The following ROBO2 variants were observed in gnomAD, a reference collection of about 807,000 sequenced individuals.
ROBO2 encodes roundabout homolog 2.
A neutral mutation model predicts 160.8 loss-of-function variants in ROBO2; 53 were observed. The observed-to-expected ratio is 0.33, with a 90% confidence interval of 0.26 to 0.41. ROBO2 has a LOEUF of 0.41. ROBO2 is among the 10% of genes least tolerant of loss of function. The probability of loss-of-function intolerance (pLI) is 1.00; values close to 1 mark genes in which losing one functional copy is unlikely to be tolerated. For missense variants in ROBO2, 1,577 were observed against 1,722.4 expected (o/e 0.92, Z 1.49); for synonymous variants, 664 against 611.7 (o/e 1.09, Z -1.26).
intron 2 of ROBO2, among the ~76,000 whole-genome samples, chr3:76,186,546 A>ACCCC (rs886381119): frequency 6.6e-6 from 1 of 150,668 alleles, no homozygotes; most frequent in African/African-American, 2.4e-5. Flanking sequence ...TGCTCACTGG[A>ACCCC]TCCCATTCCT....
At chr3:77,132,422 T>G (rs1452061035) in intron 2 of ROBO2, among the ~76,000 whole-genome samples, 1 of 152,070 alleles carries the variant, frequency 6.6e-6, no homozygotes, top group African/African-American at 2.4e-5. Context: ...TTATCAGATT[T>G]AAATTTATCA....
At chr3:76,476,052 C>T (rs2107202943) in intron 2 of ROBO2, among the ~76,000 whole-genome samples, 1 of 152,182 alleles carries the variant, frequency 6.6e-6, no homozygotes, top group African/African-American at 2.4e-5. Context: ...ACTTGGGAGG[C>T]CGAGGCAGGA....
chr3:76,782,401 C>T (rs2108620964), intron 2 of ROBO2, among the ~76,000 whole-genome samples: 1 of 150,686 alleles, frequency 6.6e-6, no homozygotes, highest in South Asian at 2.1e-4. Flanking sequence ...TCTATTAGTT[C>T]CATTTGATTT....
intron 2 of ROBO2, among the ~76,000 whole-genome samples, chr3:76,258,635 T>C (rs531100234): frequency 7.2e-5 from 11 of 152,168 alleles, no homozygotes; most frequent in Admixed American, 2.0e-4. Flanking sequence ...TTTACTCTGT[T>C]CATTGATCAT....
intron 2 of ROBO2, among the ~76,000 whole-genome samples, chr3:76,567,761 G>A (rs201333504): frequency 0.031 from 1,958 of 63,036 alleles, 23 homozygotes; most frequent in Non-Finnish European, 0.045. Context: ...ATATATATCT[G>A]TCTGTGTGTG....
At chr3:76,977,677 T>C (rs1265703996) in intron 2 of ROBO2, among the ~76,000 whole-genome samples, 1 of 152,136 alleles carries the variant, frequency 6.6e-6, no homozygotes, top group Non-Finnish European at 1.5e-5. Flanking sequence ...CTATAACATT[T>C]CTATATTTCA....
At chr3:77,103,318 G>A (rs1216271866) in intron 2 of ROBO2, among the ~76,000 whole-genome samples, 1 of 152,174 alleles carries the variant, frequency 6.6e-6, no homozygotes, top group Non-Finnish European at 1.5e-5. Flanking sequence ...CACTGTGCCA[G>A]TGCAGAGAGT....
At chr3:77,351,406 G>C (rs961204313) in intron 2 of ROBO2, among the ~76,000 whole-genome samples, 1 of 152,164 alleles carries the variant, frequency 6.6e-6, no homozygotes, top group African/African-American at 2.4e-5. Flanking sequence ...ACAATGAGTG[G>C]CATGACTTTT....
rs1035159952 is a variant in ROBO2, at chr3:76,548,157, T to C, written c.110-549857T>C. On this transcript the variant is annotated intron_variant, in intron 2 of 26. Transcript: ENST00000487694. Reference sequence around the variant, plus strand: ...TCAGAATATTTCTTTTAATTGGTATTGATTTTTCTATCTCCCAAGAGGAAA... The same window carrying C: ...TCAGAATATTTCTTTTAATTGGTATCGATTTTTCTATCTCCCAAGAGGAAA... Among the ~76,000 whole-genome samples, 6 of 152,268 alleles carry C rather than the reference T, an allele frequency of 3.9e-5. No homozygotes were observed. In the South Asian group the frequency reaches 1.2e-3, roughly 32 times the overall value.
intron 2 of ROBO2, among the ~76,000 whole-genome samples, chr3:76,958,361 AAC>A (rs2079425748): frequency 6.6e-6 from 1 of 152,250 alleles, no homozygotes; most frequent in African/African-American, 2.4e-5. Context: ...CCCTGTTCAG[AAC>A]ACAGTTTGTG....
chr3:77,098,460 T>C, intron 2 of ROBO2, 120 bp downstream of exon 2: 4 of 1,039,306 alleles, frequency 3.8e-6, no homozygotes, highest in Middle Eastern at 2.4e-4. Context: ...ATAATTTTAC[T>C]TGGTCTTCTT....
intron 21 of ROBO2, among the ~76,000 whole-genome samples, chr3:77,615,217 C>T (rs796713090): frequency 1.2e-4 from 19 of 152,096 alleles, no homozygotes; most frequent in African/African-American, 4.3e-4. Context: ...CTGTTTTAGG[C>T]TTACAGCAAA....
rs869307615 is a variant in ROBO2, at chr3:76,073,267, C to CTTTTTTTTTTTTTTT, written c.109+135695_109+135709dup. 3.1e-4 allele frequency among the ~76,000 whole-genome samples: 18 copies of CTTTTTTTTTTTTTTT among 57,402 alleles called. 5 individuals are homozygous for CTTTTTTTTTTTTTTT. The highest frequency in any genetic ancestry group is 5.3e-4 in the Non-Finnish European group (15 of 28,424). The allele number at this position is 57,402 out of a possible 152,430, so 37.7% of individuals were successfully genotyped here. A position where few individuals can be genotyped will look rare whatever the true frequency, so the allele number is the denominator to read the frequency against. On this transcript the variant is annotated intron_variant, in intron 2 of 26. Transcript: ENST00000487694. ...TTGTAAACTTCTCAGAATGAGTATTCTTTTTTTTTTTTTTTTTTTTTTTTT... is the reference window on the plus strand; with the variant it reads ...TTGTAAACTTCTCAGAATGAGTATTCTTTTTTTTTTTTTTTTTTTTTTTTTTTTTTTTTTTTTTTT...
At chr3:77,517,999 G>T (rs1356345501) in intron 5 of ROBO2, among the ~76,000 whole-genome samples, 1 of 151,450 alleles carries the variant, frequency 6.6e-6, no homozygotes, top group Non-Finnish European at 1.5e-5. Context: ...GCTGTTATTA[G>T]GAATAGTTGA....
At chr3:76,337,484 C>G (rs373338985) in intron 2 of ROBO2, among the ~76,000 whole-genome samples, 29 of 152,102 alleles carry the variant, frequency 1.9e-4, no homozygotes, top group African/African-American at 6.5e-4. Context: ...ATTTTATTTT[C>G]TCTTATTTGG....
chr3:76,791,763 T>A (rs930417973), intron 2 of ROBO2, among the ~76,000 whole-genome samples: 1 of 151,794 alleles, frequency 6.6e-6, no homozygotes, highest in Admixed American at 6.6e-5. Context: ...CAGCTCTCTA[T>A]AGCCATGGAT....
At chr3:76,279,859 C>G (rs1251621867) in intron 2 of ROBO2, among the ~76,000 whole-genome samples, 5 of 151,962 alleles carry the variant, frequency 3.3e-5, no homozygotes, top group African/African-American at 1.2e-4. Flanking sequence ...CCTTACTTCT[C>G]TCTTCTGACC....
chr3:76,171,911 A>C (rs2073053860), intron 2 of ROBO2, among the ~76,000 whole-genome samples: 1 of 152,048 alleles, frequency 6.6e-6, no homozygotes, highest in African/African-American at 2.4e-5. Flanking sequence ...AGAATCCATA[A>C]ATTTTGCATA....
chr3:76,906,353 C>T (rs1252860539), intron 2 of ROBO2, among the ~76,000 whole-genome samples: 1 of 151,762 alleles, frequency 6.6e-6, no homozygotes, highest in Non-Finnish European at 1.5e-5. Flanking sequence ...ATGTTACATA[C>T]ATTTTACATA....
Sources: allele counts gnomAD v4.1 joint callset (sites outside exome capture counted in the v4.1 genomes callset), GRCh38; gene constraint gnomAD v4.1.1; transcripts MANE v1.5; gene names NCBI Gene and HGNC (gene_info 2026-07-23, HGNC 2026-07-21).